RAP1A: variants seen among roughly 807,000 people sequenced by gnomAD.
The protein encoded by RAP1A is RAP1A, member of RAS oncogene family, also known as ras-related protein Rap-1A.
Under a neutral mutation model 26.4 loss-of-function variants are expected in RAP1A, and 6 were observed. That is an observed-to-expected ratio of 0.23 (90% confidence interval 0.12 to 0.45). The LOEUF (loss-of-function observed/expected upper bound fraction) is 0.45, where lower values mean the gene tolerates loss of function less well. Ranked by LOEUF, RAP1A falls within the 20% of genes least tolerant of loss-of-function variation. RAP1A has a pLI of 0.99. For synonymous variants in RAP1A, 73 were observed against 79.4 expected (o/e 0.92, Z 0.43); for missense variants, 121 against 217.2 (o/e 0.56, Z 2.78).
At chr1:111,589,790 C>T (rs1658436180) in intron 1 of RAP1A, among the ~76,000 whole-genome samples, 1 of 152,120 alleles carries the variant, frequency 6.6e-6, no homozygotes, top group South Asian at 2.1e-4. Flanking sequence ...TGGCTCACTG[C>T]AGCCTTGAAC....
At chr1:111,669,416 G>T (rs951379715) in intron 1 of RAP1A, among the ~76,000 whole-genome samples, 3 of 152,186 alleles carry the variant, frequency 2.0e-5, no homozygotes, top group African/African-American at 7.2e-5. Context: ...GAGGAAAGGG[G>T]ATATGCCGTT....
chr1:111,678,150 A>G (rs1661183685), intron 1 of RAP1A, among the ~76,000 whole-genome samples: 1 of 152,222 alleles, frequency 6.6e-6, no homozygotes, highest in Admixed American at 6.5e-5. Context: ...TTTTAAAGTT[A>G]TCTTGTCAGT....
At chr1:111,666,289 C>T (rs1470879965) in intron 1 of RAP1A, among the ~76,000 whole-genome samples, 1 of 152,122 alleles carries the variant, frequency 6.6e-6, no homozygotes, top group Non-Finnish European at 1.5e-5. Flanking sequence ...GATGACTCTT[C>T]TCAAATTAAG....
Position 111,646,602 on chromosome 1 carries a change from G to A in RAP1A, c.-28+26668G>A, listed in dbSNP as rs1660076647. ...GTCCCCTAGGCTGGAGTACAGTGGTGCAATCTCGGCTCACTGCAAGCTCCA... is the reference window on the plus strand; with the variant it reads ...GTCCCCTAGGCTGGAGTACAGTGGTACAATCTCGGCTCACTGCAAGCTCCA... On this transcript the variant is annotated intron_variant, in intron 1 of 7. Transcript: ENST00000369709. 1.3e-5 allele frequency among the ~76,000 whole-genome samples: 2 copies of A among 151,902 alleles called. 1 individual carries two copies. The highest frequency in any genetic ancestry group is 4.2e-4 in the South Asian group (2 of 4,816).
chr1:111,578,858 T>C (rs1658195177), intron 1 of RAP1A, among the ~76,000 whole-genome samples: 1 of 152,236 alleles, frequency 6.6e-6, no homozygotes, highest in South Asian at 2.1e-4. Context: ...CAACCGGCTA[T>C]AAACTGAGAT....
At chr1:111,663,453 A>C (rs760720735) in intron 1 of RAP1A, among the ~76,000 whole-genome samples, 3 of 152,374 alleles carry the variant, frequency 2.0e-5, no homozygotes, top group Middle Eastern at 3.4e-3. Context: ...AAATATCAAT[A>C]ACACTCTAGT....
chr1:111,542,153 A>C (rs932970866), upstream of RAP1A: 1 of 368,620 alleles, frequency 2.7e-6, no homozygotes, highest in African/African-American at 2.1e-5. Flanking sequence ...CATGTTTTTA[A>C]TTGAGTAGAT....
upstream of RAP1A, chr1:111,619,681 G>A (rs969477828): frequency 5.1e-6 from 2 of 391,770 alleles, no homozygotes; most frequent in Admixed American, 8.9e-5. Context: ...CCGGAACGCC[G>A]TGGGGAAGGC....
intron 1 of RAP1A, among the ~76,000 whole-genome samples, chr1:111,670,071 T>G (rs758031156): frequency 5.3e-5 from 8 of 150,648 alleles, no homozygotes; most frequent in Admixed American, 1.3e-4. Context: ...AAACTGGGAG[T>G]TTTTTTTTGT....
chr1:111,549,649 CAAAA>C (rs370585012), intron 1 of RAP1A, among the ~76,000 whole-genome samples: 2 of 94,412 alleles, frequency 2.1e-5, no homozygotes. Flanking sequence ...GACTCTGTTT[CAAAA>C]AAAAAAAAAA....
chr1:111,651,388 A>G (rs546434711), intron 1 of RAP1A, among the ~76,000 whole-genome samples: 1 of 152,188 alleles, frequency 6.6e-6, no homozygotes, highest in South Asian at 2.1e-4. Context: ...GTTTCAAAAA[A>G]GAAAAATGAC....
At chr1:111,592,774 G>T (rs1487839327) in intron 1 of RAP1A, among the ~76,000 whole-genome samples, 4 of 152,274 alleles carry the variant, frequency 2.6e-5, no homozygotes, top group African/African-American at 9.6e-5. Flanking sequence ...AACAGCAACT[G>T]TGCTGAACTT....
At chr1:111,565,343 T>G (rs1657894967) in intron 1 of RAP1A, among the ~76,000 whole-genome samples, 1 of 152,220 alleles carries the variant, frequency 6.6e-6, no homozygotes. Flanking sequence ...AAGCAATTAT[T>G]TTAGGCCAGA....
At chr1:111,587,392 T>A (rs1436651546) in intron 1 of RAP1A, among the ~76,000 whole-genome samples, 1 of 152,076 alleles carries the variant, frequency 6.6e-6, no homozygotes. Flanking sequence ...CAACAACACC[T>A]AAAAACTCTC....
intron 1 of RAP1A, among the ~76,000 whole-genome samples, chr1:111,627,777 A>ATT (rs71580583): frequency 1.4e-5 from 2 of 147,292 alleles, no homozygotes; most frequent in Non-Finnish European, 3.0e-5. Context: ...GAATTTCAGC[A>ATT]TTTTTTTTTT....
At chr1:111,687,019 A>G (rs1661505306) in intron 1 of RAP1A, among the ~76,000 whole-genome samples, 1 of 152,104 alleles carries the variant, frequency 6.6e-6, no homozygotes, top group African/African-American at 2.4e-5. Flanking sequence ...GAAGCAACAT[A>G]TAGTTAGGTC....
At chr1:111,651,313 G>A (rs2101136266) in intron 1 of RAP1A, among the ~76,000 whole-genome samples, 1 of 152,012 alleles carries the variant, frequency 6.6e-6, no homozygotes, top group South Asian at 2.1e-4. Context: ...TTATAATTTT[G>A]ACTCTTAAGG....
intron 1 of RAP1A, among the ~76,000 whole-genome samples, chr1:111,666,023 T>A (rs1019285178): frequency 6.6e-6 from 1 of 152,220 alleles, no homozygotes; most frequent in Non-Finnish European, 1.5e-5. Flanking sequence ...AGAAGATGGC[T>A]CAATCTGATG....
chr1:111,570,460 T>C (rs1658027744), intron 1 of RAP1A, among the ~76,000 whole-genome samples: 1 of 152,138 alleles, frequency 6.6e-6, no homozygotes. Context: ...AGTATGTTCA[T>C]TGTATTTTCT....
Sources: allele counts gnomAD v4.1 joint callset (sites outside exome capture counted in the v4.1 genomes callset), GRCh38; gene constraint gnomAD v4.1.1; transcripts MANE v1.5; gene names NCBI Gene and HGNC (gene_info 2026-07-23, HGNC 2026-07-21).